PRKAG2: variants seen among roughly 807,000 people sequenced by gnomAD.
The protein encoded by PRKAG2 is protein kinase AMP-activated non-catalytic subunit gamma 2.
Under a neutral mutation model 69.6 loss-of-function variants are expected in PRKAG2, and 26 were observed. The observed-to-expected ratio is 0.37, with a 90% confidence interval of 0.27 to 0.52. The LOEUF (loss-of-function observed/expected upper bound fraction) is 0.52, where lower values mean the gene tolerates loss of function less well. Ranked by LOEUF, PRKAG2 falls within the 20% of genes least tolerant of loss-of-function variation. PRKAG2 has a pLI of 0.90. For missense variants in PRKAG2, 557 were observed against 740.0 expected, an observed-to-expected ratio of 0.75 and a Z score of 2.87; for synonymous variants, 293 against 285.0, an observed-to-expected ratio of 1.03 and a Z score of -0.28.
chr7:151,738,637 T>C (rs1156286474), intron 3 of PRKAG2, among the ~76,000 whole-genome samples: 1 of 152,296 alleles, frequency 6.6e-6, no homozygotes, highest in African/African-American at 2.4e-5. Flanking sequence ...CTGCTGCAGT[T>C]AACTAGCCCA....
At chr7:151,783,349 T>C (rs1469553799) in intron 2 of PRKAG2, among the ~76,000 whole-genome samples, 1 of 152,186 alleles carries the variant, frequency 6.6e-6, no homozygotes, top group Non-Finnish European at 1.5e-5. Context: ...AGTTCTGTTT[T>C]TTGTTTTTGA....
chr7:151,870,377 C>T (rs923474763), intron 1 of PRKAG2, among the ~76,000 whole-genome samples: 2 of 152,164 alleles, frequency 1.3e-5, no homozygotes, highest in African/African-American at 2.4e-5. Context: ...GTCTGGGCTA[C>T]GAAGCAGAAT....
At chr7:151,653,796 T>G (rs1184665393) in intron 4 of PRKAG2, among the ~76,000 whole-genome samples, 2 of 152,154 alleles carry the variant, frequency 1.3e-5, no homozygotes, top group Admixed American at 1.3e-4. Flanking sequence ...GAGCTGAGAT[T>G]GTGTCACTGC....
intron 1 of PRKAG2, among the ~76,000 whole-genome samples, chr7:151,863,024 A>AG (rs759979941): frequency 1.1e-4 from 15 of 139,228 alleles, no homozygotes; most frequent in Admixed American, 3.5e-4. Context: ...CCCCAGGTGC[A>AG]GGGGGCACTT....
At chr7:151,717,686 G>C (rs1010850961) in intron 3 of PRKAG2, among the ~76,000 whole-genome samples, 1 of 152,196 alleles carries the variant, frequency 6.6e-6, no homozygotes. Flanking sequence ...GCCCACCCAC[G>C]TATTTGCCTA....
At chr7:151,762,100 T>G (rs1203245690) in intron 3 of PRKAG2, among the ~76,000 whole-genome samples, 1 of 152,176 alleles carries the variant, frequency 6.6e-6, no homozygotes, top group Admixed American at 6.5e-5. Context: ...CACTGTCCGA[T>G]GGGTTAGCAC....
chr7:151,632,389 T>C lies in PRKAG2; in HGVS notation c.685-251A>G. 1 of 457,902 alleles carries C rather than the reference T, an allele frequency of 2.2e-6. No homozygotes were observed. The highest frequency in any genetic ancestry group is 2.8e-6 in the Non-Finnish European group (1 of 351,716). 28.4% of individuals were successfully genotyped at this position (457,902 alleles called of 1,614,324 possible). ...CCCCTCCGCGAGTGGGACGCGCCGC[T>C]CCCCCCCGCGCCTTGGTACGGCCCG... is the stretch of plus-strand genomic sequence containing the variant. On this transcript the variant is annotated intron_variant, in intron 4 of 15. Transcript: ENST00000287878. This position sits in a 1 kb window ranked among gnomAD's most constrained non-coding sequence, Gnocchi z 4.2.
At chr7:151,801,283 C>T (rs568801184) in intron 1 of PRKAG2, among the ~76,000 whole-genome samples, 14 of 152,344 alleles carry the variant, frequency 9.2e-5, no homozygotes, top group African/African-American at 3.4e-4. Context: ...GTCTGAGGCT[C>T]AGCGCTCAGA....
chr7:151,849,289 C>T (rs1397852693), intron 1 of PRKAG2, among the ~76,000 whole-genome samples: 8 of 152,208 alleles, frequency 5.3e-5, no homozygotes, highest in East Asian at 3.9e-4. Context: ...CCACACGGGG[C>T]GGTCTGGCCA....
intron 5 of PRKAG2, among the ~76,000 whole-genome samples, chr7:151,630,920 C>G (rs61364355): frequency 0.12 from 18,879 of 152,256 alleles, 1,329 homozygotes; most frequent in African/African-American, 0.16. Flanking sequence ...CAGACAAACA[C>G]TTTTAATGAC....
At chr7:151,829,078 G>C (rs1563734862) in intron 1 of PRKAG2, among the ~76,000 whole-genome samples, 3 of 152,154 alleles carry the variant, frequency 2.0e-5, no homozygotes, top group Admixed American at 2.0e-4. Flanking sequence ...GTGCTTCAAA[G>C]CACACCATCA....
chr7:151,669,007 T>C (rs1333170421), intron 4 of PRKAG2, among the ~76,000 whole-genome samples: 3 of 152,240 alleles, frequency 2.0e-5, no homozygotes, highest in African/African-American at 7.2e-5. Flanking sequence ...ATGACTCTCC[T>C]CCCATTGGTC....
intron 1 of PRKAG2, among the ~76,000 whole-genome samples, chr7:151,874,183 T>TATG (rs1488104716): frequency 1.6e-4 from 20 of 125,826 alleles, no homozygotes; most frequent in African/African-American, 6.2e-4. Context: ...TGTATATGTA[T>TATG]ATGTATATGT....
At chr7:151,607,374 C>A (rs982240479) in intron 5 of PRKAG2, among the ~76,000 whole-genome samples, 1 of 152,138 alleles carries the variant, frequency 6.6e-6, no homozygotes, top group Non-Finnish European at 1.5e-5. Flanking sequence ...CTTGAACTCT[C>A]AGGCTCAAGC....
chr7:151,629,037 G>C (rs1252818320), intron 5 of PRKAG2, among the ~76,000 whole-genome samples: 1 of 152,216 alleles, frequency 6.6e-6, no homozygotes, highest in Non-Finnish European at 1.5e-5. Context: ...GGGAGACACA[G>C]AGCAGGGGGC....
At chr7:151,842,101 A>G (rs1288000545) in intron 1 of PRKAG2, among the ~76,000 whole-genome samples, 60 of 132,890 alleles carry the variant, frequency 4.5e-4, no homozygotes, top group African/African-American at 1.2e-3. Context: ...GATGGTAGGT[A>G]GGGATGGTAG....
At chr7:151,742,301 A>C (rs894541736) in intron 3 of PRKAG2, among the ~76,000 whole-genome samples, 3 of 152,186 alleles carry the variant, frequency 2.0e-5, no homozygotes, top group Non-Finnish European at 4.4e-5. Context: ...CTGATTTTTC[A>C]TTTTAGGCTG....
chr7:151,863,084 C>T (rs750199305), intron 1 of PRKAG2, among the ~76,000 whole-genome samples: 32 of 148,132 alleles, frequency 2.2e-4, no homozygotes, highest in Admixed American at 4.7e-4. Context: ...GTGCAGGGGG[C>T]GCTGGTAGGT....
chr7:151,758,124 G>C, intron 3 of PRKAG2, among the ~76,000 whole-genome samples: 1 of 151,742 alleles, frequency 6.6e-6, no homozygotes, highest in Non-Finnish European at 1.5e-5. Context: ...GGCTGTCTAG[G>C]CCAGTGATTT....
Sources: gnomAD v4.1 joint callset for allele counts (sites outside exome capture counted in the v4.1 genomes callset) on GRCh38, gnomAD v4.1.1 for gene constraint, Gnocchi (gnomAD v3.1) non-coding constraint, MANE v1.5 for transcripts, NCBI Gene and HGNC (gene_info 2026-07-23, HGNC 2026-07-21) for gene names.